TEAD1: variants seen among roughly 807,000 people sequenced by gnomAD.
The protein encoded by TEAD1 is TEA domain transcription factor 1.
In TEAD1, 9 loss-of-function variants were observed where a neutral mutation model predicts 54.9. The observed-to-expected ratio is 0.16, with a 90% CI of 0.10 to 0.29. TEAD1 has a LOEUF of 0.29. TEAD1 is among the 10% of genes least tolerant of loss of function. The pLI, the probability that TEAD1 is intolerant of heterozygous loss-of-function variation, is 1.00. For missense variants in TEAD1, 387 were observed against 535.9 expected (o/e 0.72, Z 2.74); for synonymous variants, 200 against 187.8 (o/e 1.07, Z -0.53).
chr11:12,860,041 G>C (rs906647538), intron 3 of TEAD1, among the ~76,000 whole-genome samples: 7 of 152,168 alleles, frequency 4.6e-5, no homozygotes, highest in Middle Eastern at 3.2e-3. Flanking sequence ...AAGGAAGACA[G>C]ACAAAGGATG....
intron 5 of TEAD1, among the ~76,000 whole-genome samples, chr11:12,874,390 T>C (rs926269544): frequency 6.6e-6 from 1 of 152,244 alleles, no homozygotes; most frequent in Non-Finnish European, 1.5e-5. Context: ...ATTTGTGATA[T>C]TGCTGTCCTC....
chr11:12,726,573 C>T (rs1944318309), intron 2 of TEAD1, among the ~76,000 whole-genome samples: 1 of 152,126 alleles, frequency 6.6e-6, no homozygotes, highest in Non-Finnish European at 1.5e-5. Context: ...TAAAACACAT[C>T]ATGAACAATT....
intron 2 of TEAD1, among the ~76,000 whole-genome samples, chr11:12,723,568 G>A (rs1217969765): frequency 6.6e-6 from 1 of 152,042 alleles, no homozygotes; most frequent in East Asian, 1.9e-4. Context: ...AGAGTAGCGG[G>A]GCTTTTCCTC....
chr11:12,714,063 G>C (rs923924609), intron 2 of TEAD1, among the ~76,000 whole-genome samples: 3 of 152,210 alleles, frequency 2.0e-5, no homozygotes, highest in African/African-American at 7.2e-5. Context: ...GGAACGTGTA[G>C]ATTGAATCAG....
At chr11:12,921,130 A>G (rs542028369) in intron 10 of TEAD1, 14 of 152,366 alleles carry the variant, frequency 9.2e-5, no homozygotes, top group Middle Eastern at 3.4e-3. Flanking sequence ...CACTTGAGAA[A>G]TGGATAACAT....
At chr11:12,760,187 C>T (rs1945072551) in intron 2 of TEAD1, among the ~76,000 whole-genome samples, 1 of 152,194 alleles carries the variant, frequency 6.6e-6, no homozygotes, top group South Asian at 2.1e-4. Context: ...TGGACTTGGA[C>T]ATAAATGAAC....
intron 3 of TEAD1, among the ~76,000 whole-genome samples, chr11:12,851,443 T>C (rs1187952742): frequency 6.6e-6 from 1 of 152,228 alleles, no homozygotes; most frequent in East Asian, 1.9e-4. Flanking sequence ...CATTTTATTA[T>C]CTATATGTAT....
At chr11:12,866,241 T>G (rs1259664639) in intron 5 of TEAD1, among the ~76,000 whole-genome samples, 1 of 152,266 alleles carries the variant, frequency 6.6e-6, no homozygotes, top group African/African-American at 2.4e-5. Flanking sequence ...GTTCTGACTC[T>G]GTTTCTAGTT....
intron 3 of TEAD1, among the ~76,000 whole-genome samples, chr11:12,835,211 G>A (rs1283839158): frequency 6.6e-6 from 1 of 152,212 alleles, no homozygotes; most frequent in Admixed American, 6.5e-5. Flanking sequence ...CACTGTGATA[G>A]AATTTGATTT....
At chr11:12,825,153 G>A (rs1457855469) in intron 3 of TEAD1, among the ~76,000 whole-genome samples, 2 of 152,174 alleles carry the variant, frequency 1.3e-5, no homozygotes, top group Non-Finnish European at 2.9e-5. Context: ...GCTTCTTCAT[G>A]CACTTTATTA....
At chr11:12,852,386 A>C (rs1479971828) in intron 3 of TEAD1, among the ~76,000 whole-genome samples, 1 of 151,798 alleles carries the variant, frequency 6.6e-6, no homozygotes, top group African/African-American at 2.4e-5. Context: ...TGTGGGTAGC[A>C]GTCTATTTAG....
intron 2 of TEAD1, among the ~76,000 whole-genome samples, chr11:12,683,058 T>C (rs1943256936): frequency 6.6e-6 from 1 of 152,198 alleles, no homozygotes; most frequent in Non-Finnish European, 1.5e-5. Flanking sequence ...ACTCTTGTTG[T>C]TACAGAGGGT....
Position 12,744,410 on chromosome 11 carries a change from C to A in TEAD1, c.-54-19769C>A, listed in dbSNP as rs576609635. The stretch of plus-strand genomic sequence containing the variant: ...AGCTAAATAATAGCATATCCACCCC[C>A]CAGAATATTATGTACCTCTTAAAAA... On this transcript the variant is annotated intron_variant, in intron 2 of 12. Coordinates refer to ENST00000527636, the MANE Select transcript of TEAD1 (RefSeq NM_021961.6). Among the ~76,000 whole-genome samples the A allele has an allele frequency of 5.3e-5, 8 of 152,270 alleles. No individual in the cohort carries two copies. The East Asian group carries it at 1.5e-3, about 29-fold the overall frequency.
At chr11:12,818,027 T>A (rs902349737) in intron 3 of TEAD1, among the ~76,000 whole-genome samples, 2 of 152,208 alleles carry the variant, frequency 1.3e-5, no homozygotes, top group African/African-American at 4.8e-5. Context: ...TTCTGTCTTC[T>A]TAGGAAGGAG....
intron 10 of TEAD1, among the ~76,000 whole-genome samples, chr11:12,912,270 A>G (rs1384337019): frequency 6.6e-6 from 1 of 152,148 alleles, no homozygotes; most frequent in African/African-American, 2.4e-5. Flanking sequence ...CTGGTGAGGG[A>G]TGGCAGACAT....
At chr11:12,920,168 G>A (rs149346443) in intron 10 of TEAD1, among the ~76,000 whole-genome samples, 3,226 of 152,206 alleles carry the variant, frequency 0.021, 49 homozygotes, top group Middle Eastern at 0.048. Flanking sequence ...AAAGGAAGGC[G>A]GTCTTAAAAA....
intron 3 of TEAD1, among the ~76,000 whole-genome samples, chr11:12,772,845 A>C (rs1945340154): frequency 6.6e-6 from 1 of 152,162 alleles, no homozygotes; most frequent in South Asian, 2.1e-4. Flanking sequence ...TAAGTTGTGT[A>C]CACTACTTGT....
At chr11:12,744,602 A>G (rs532208634) in intron 2 of TEAD1, among the ~76,000 whole-genome samples, 25 of 152,128 alleles carry the variant, frequency 1.6e-4, no homozygotes, top group South Asian at 6.2e-4. Flanking sequence ...GGTAAAGTTA[A>G]TTTTCTTTGT....
At chr11:12,794,439 G>T (rs2133965820) in intron 3 of TEAD1, among the ~76,000 whole-genome samples, 1 of 152,186 alleles carries the variant, frequency 6.6e-6, no homozygotes, top group East Asian at 1.9e-4. Flanking sequence ...TAAGAAAAAA[G>T]AAAAAAACAG....
Sources: allele counts gnomAD v4.1 joint callset (sites outside exome capture counted in the v4.1 genomes callset), GRCh38; gene constraint gnomAD v4.1.1; transcripts MANE v1.5; gene names NCBI Gene and HGNC (gene_info 2026-07-23, HGNC 2026-07-21).